Variants in DLGAP2 observed in about 807,000 individuals in gnomAD.
The protein encoded by DLGAP2 is DLG associated protein 2, also known as disks large-associated protein 2.
In DLGAP2, 26 loss-of-function variants were observed where a neutral mutation model predicts 100.3. That is an observed-to-expected ratio of 0.26 (90% CI 0.19 to 0.36). DLGAP2 has a LOEUF of 0.36. Ranked by LOEUF, DLGAP2 falls within the 10% of genes least tolerant of loss-of-function variation. The pLI, the probability that DLGAP2 is intolerant of heterozygous loss-of-function variation, is 1.00. For synonymous variants in DLGAP2, 886 were observed against 630.1 expected, an observed-to-expected ratio of 1.41 and a Z score of -6.08; for missense variants, 1,858 against 1,453.2, an observed-to-expected ratio of 1.28 and a Z score of -4.53.
intron 2 of DLGAP2, among the ~76,000 whole-genome samples, chr8:1,062,315 A>C (rs1803108620): frequency 1.3e-5 from 2 of 152,148 alleles, no homozygotes; most frequent in Admixed American, 1.3e-4. Context: ...GCTCCGTGGC[A>C]GCCTGGTCCG....
intron 3 of DLGAP2, among the ~76,000 whole-genome samples, chr8:1,285,844 C>T (rs745448354): frequency 1.3e-5 from 2 of 152,118 alleles, no homozygotes; most frequent in African/African-American, 4.8e-5. Context: ...TGGCACACAC[C>T]TGCAACCCCA....
chr8:1,667,912 C>T lies in DLGAP2; in HGVS notation c.1811-417C>T, dbSNP rs553474040. ...AAATGATGCCATGCCTGTGCGCTGT[C>T]CTGCGGGGACACACCTTGCCTAGGT... On this transcript the variant is annotated intron_variant, in intron 8 of 14. Transcript: ENST00000637795. 2.6e-4 allele frequency among the ~76,000 whole-genome samples: 39 copies of T among 151,562 alleles called. 3 individuals are homozygous for T. The South Asian group carries it at 7.9e-3, about 31-fold the overall frequency.
Position 1,571,202 on chromosome 8 carries a change from A to T in DLGAP2, c.1442+5308A>T, listed in dbSNP as rs186718919. ...ACTGTGGGGGCATCTGATGAGATGG[A>T]GAGGGGAGAGGGTGAACTCTGGGGG... is the stretch of plus-strand genomic sequence containing the variant. On this transcript the variant is annotated intron_variant, in intron 6 of 14. Transcript: ENST00000637795. 3.9e-3 allele frequency among the ~76,000 whole-genome samples: 389 copies of T among 99,432 alleles called. 5 individuals carry two copies. Among genetic ancestry groups the T allele is most frequent in the African/African-American group, 0.016 (371 of 23,308 alleles). 65.2% of individuals were successfully genotyped at this position (99,432 alleles called of 152,430 possible).
chr8:1,462,679 G>A (rs577014647), intron 3 of DLGAP2, among the ~76,000 whole-genome samples: 60 of 152,270 alleles, frequency 3.9e-4, no homozygotes, highest in African/African-American at 1.4e-3. Flanking sequence ...GACTCAGGCT[G>A]CCAGCGTGGG....
intron 3 of DLGAP2, among the ~76,000 whole-genome samples, chr8:1,449,057 C>T (rs553409967): frequency 6.6e-5 from 10 of 152,122 alleles, no homozygotes; most frequent in South Asian, 2.1e-4. Flanking sequence ...CGGCACATCC[C>T]GGCCCCCCAG....
intron 3 of DLGAP2, among the ~76,000 whole-genome samples, chr8:1,306,864 C>T (rs1442272335): frequency 6.6e-6 from 1 of 152,126 alleles, no homozygotes; most frequent in African/African-American, 2.4e-5. Context: ...TGAAGCTGAA[C>T]TCATACCTTA....
At chr8:1,011,437 C>G (rs1438320026) in intron 2 of DLGAP2, among the ~76,000 whole-genome samples, 2 of 149,984 alleles carry the variant, frequency 1.3e-5, no homozygotes, top group African/African-American at 2.5e-5. Flanking sequence ...AATGAGGGGT[C>G]TCAGTCTACA....
In DLGAP2 at chr8:1,266,419, G is replaced by C. The variant is rs372147625; in HGVS notation, c.106+7536G>C. On this transcript the variant is annotated intron_variant, in intron 3 of 14. Coordinates refer to ENST00000637795, the MANE Select transcript of DLGAP2 (RefSeq NM_001346810.2). ...AGCAGCATCTCTGCTGTCCCTTCCC[G>C]GGGTCCTCAGAAGCTCCAAGAATCC... Among the ~76,000 whole-genome samples, 14 of 152,272 alleles carry C rather than the reference G, an allele frequency of 9.2e-5. 1 individual carries two copies. Among genetic ancestry groups the C allele is most frequent in the African/African-American group, 3.1e-4 (13 of 41,544 alleles).
intron 1 of DLGAP2, among the ~76,000 whole-genome samples, chr8:802,349 C>T (rs1346138434): frequency 1.3e-5 from 2 of 152,270 alleles, no homozygotes; most frequent in East Asian, 3.9e-4. Flanking sequence ...CCTGGGTCCC[C>T]CCACCTCAGG....
At chr8:1,485,910 G>C (rs981892237) in intron 3 of DLGAP2, among the ~76,000 whole-genome samples, 1 of 152,190 alleles carries the variant, frequency 6.6e-6, no homozygotes, top group African/African-American at 2.4e-5. Flanking sequence ...TGTCGTCCCA[G>C]CTACTCAGGA....
chr8:1,521,189 GTTTTAATTTGGAATA>G (rs1196656141), intron 4 of DLGAP2, among the ~76,000 whole-genome samples: 13 of 106,016 alleles, frequency 1.2e-4, no homozygotes, highest in South Asian at 4.7e-4. Context: ...TTGCACACTT[GTTTTAATTTGGAATA>G]CTCGGGGGCA....
intron 3 of DLGAP2, among the ~76,000 whole-genome samples, chr8:1,288,324 G>T (rs1799985929): frequency 6.9e-6 from 1 of 145,082 alleles, no homozygotes; most frequent in South Asian, 2.3e-4. Context: ...AGGGGAACTA[G>T]TTTCGTTTCA....
rs1245750583 is a variant in DLGAP2 at position 1,257,437 on chromosome 8, C to CGG, written c.74-1414_74-1413insGG. Among the ~76,000 whole-genome samples, 19 of 152,162 alleles carry CGG rather than the reference C, an allele frequency of 1.2e-4. 1 individual carries two copies. Among genetic ancestry groups the CGG allele is most frequent in the African/African-American group, 4.3e-4 (18 of 41,522 alleles). Reference sequence around the variant, plus strand: ...CTCACCTCTCTGCCTGCCCCTCCACCCCCCCGCCCCATCCTTCTGGGCAGA... The same window carrying CGG: ...CTCACCTCTCTGCCTGCCCCTCCACCGGCCCCCGCCCCATCCTTCTGGGCAGA... On this transcript the variant is annotated intron_variant, in intron 2 of 14. Transcript: ENST00000637795.
chr8:1,069,317 C>T (rs539348128), intron 2 of DLGAP2, among the ~76,000 whole-genome samples: 6 of 152,192 alleles, frequency 3.9e-5, no homozygotes, highest in South Asian at 4.2e-4. Flanking sequence ...GCGAGGAGGC[C>T]GGGTCGGACA....
Position 1,378,511 on chromosome 8 carries a change from G to A in DLGAP2, c.106+119628G>A, listed in dbSNP as rs540468827. Among the ~76,000 whole-genome samples the A allele has an allele frequency of 1.7e-4, 23 of 132,700 alleles. No homozygotes were observed. The East Asian group carries it at 2.5e-3, about 14-fold the overall frequency. 87.1% of individuals were successfully genotyped at this position (132,700 alleles called of 152,430 possible). ...ACCTGGCCTCACCTGTCTTTCCTGCGCACACCTGACCTCACCTGTCCCTGA... is the reference window on the plus strand; with the variant it reads ...ACCTGGCCTCACCTGTCTTTCCTGCACACACCTGACCTCACCTGTCCCTGA... On this transcript the variant is annotated intron_variant, in intron 3 of 14. Coordinates refer to ENST00000637795, the MANE Select transcript of DLGAP2 (RefSeq NM_001346810.2).
intron 6 of DLGAP2, among the ~76,000 whole-genome samples, chr8:1,577,151 CA>C (rs1340760434): frequency 1.3e-5 from 2 of 152,190 alleles, no homozygotes; most frequent in Admixed American, 1.3e-4. Flanking sequence ...GTTCTCATCA[CA>C]AAAAATGTGA....
intron 2 of DLGAP2, among the ~76,000 whole-genome samples, chr8:979,897 T>C (rs1441326281): frequency 1.3e-5 from 2 of 152,212 alleles, no homozygotes; most frequent in Non-Finnish European, 2.9e-5. Flanking sequence ...TTTGCCATTC[T>C]GTGTTCCACA....
chr8:1,388,482 A>G (rs113552138), intron 3 of DLGAP2, among the ~76,000 whole-genome samples: 100 of 30,468 alleles, frequency 3.3e-3, no homozygotes, highest in South Asian at 5.1e-3. Context: ...CGCTGGTTCA[A>G]GTGTCAGGGC....
chr8:1,316,895 A>AT (rs1800767071), intron 3 of DLGAP2, among the ~76,000 whole-genome samples: 1 of 129,412 alleles, frequency 7.7e-6, no homozygotes, highest in African/African-American at 3.2e-5. Flanking sequence ...TTAAAAATAG[A>AT]GCGTGTGCGA....
Sources: gnomAD v4.1 joint callset for allele counts (sites outside exome capture counted in the v4.1 genomes callset) on GRCh38, gnomAD v4.1.1 for gene constraint, MANE v1.5 for transcripts, NCBI Gene and HGNC (gene_info 2026-07-23, HGNC 2026-07-21) for gene names.